Variants in RNASE10 observed in about 807,000 individuals in gnomAD.
The protein encoded by RNASE10 is inactive ribonuclease-like protein 10.
A neutral mutation model predicts 1.1 loss-of-function variants in RNASE10; 2 were observed. The ratio of observed to expected loss-of-function variants is 1.82; its 90% CI spans 0.74 to 5.73. The LOEUF (loss-of-function observed/expected upper bound fraction) is 5.73. Ranked by LOEUF, RNASE10 falls within the 30% of genes most tolerant of loss-of-function variation. RNASE10 has a pLI of 0.05. For missense variants in RNASE10, 276 were observed against 263.4 expected (o/e 1.05, Z -0.33); for synonymous variants, 97 against 96.2 (o/e 1.01, Z -0.05).
rs1309362527 is a variant in RNASE10, at chr14:20,506,720, G to A, written c.79+701G>A. ...CCCCGTCCGGGAGGGAGGTGGGGGG[G>A]TCAGCCCCCCGCCCGGCCAGCCGCC... On this transcript the variant is annotated intron_variant, in intron 1 of 1. Coordinates refer to ENST00000430083, the Ensembl canonical transcript of RNASE10. Among the ~76,000 whole-genome samples the A allele has an allele frequency of 2.7e-4, 31 of 114,314 alleles. 1 individual carries two copies. Among genetic ancestry groups the A allele is most frequent in the East Asian group, 2.3e-3 (8 of 3,552 alleles). The allele number at this position is 114,314 out of a possible 152,430, so 75.0% of individuals were successfully genotyped here.
downstream of RNASE10, among the ~76,000 whole-genome samples, chr14:20,513,209 T>C (rs12590552): frequency 0.18 from 26,831 of 149,734 alleles, 2,984 homozygotes; most frequent in East Asian, 0.6. Context: ...TTTTCTTTTG[T>C]TTTGTTTTGT....
downstream of RNASE10, among the ~76,000 whole-genome samples, chr14:20,512,077 G>A (rs967662566): frequency 2.0e-5 from 3 of 152,198 alleles, no homozygotes; most frequent in African/African-American, 4.8e-5. Context: ...GAGAAAGAGA[G>A]AGTGAGAAAT....
downstream of RNASE10, among the ~76,000 whole-genome samples, chr14:20,511,620 G>A (rs10083408): frequency 0.02 from 3,071 of 152,170 alleles, 107 homozygotes; most frequent in African/African-American, 0.071. Context: ...TTCCTTTTCC[G>A]AGCTTGGAAA....
chr14:20,506,628 C>T (rs1320485762), intron 1 of RNASE10, among the ~76,000 whole-genome samples: 3 of 102,418 alleles, frequency 2.9e-5, no homozygotes, highest in Admixed American at 1.8e-4. Context: ...GGGGGATCAG[C>T]CCCCCGCCTG....
At chr14:20,504,261 G>A (rs568333503), upstream of RNASE10, among the ~76,000 whole-genome samples, 59 of 152,302 alleles carry the variant, frequency 3.9e-4, no homozygotes, top group African/African-American at 1.4e-3. Flanking sequence ...TAGCAGCCAG[G>A]GCACTGCTCA....
chr14:20,513,590 T>A (rs1882947679), downstream of RNASE10, among the ~76,000 whole-genome samples: 3 of 152,234 alleles, frequency 2.0e-5, no homozygotes, highest in South Asian at 6.2e-4. Flanking sequence ...CATTTAGATA[T>A]GACACCTGAC....
At chr14:20,504,803 GTCCACAAAAC>G (rs1882649585), upstream of RNASE10, among the ~76,000 whole-genome samples, 1 of 150,314 alleles carries the variant, frequency 6.7e-6, no homozygotes, top group East Asian at 1.9e-4. Flanking sequence ...AGTAATGCAC[GTCCACAAAAC>G]TCTTCCAGAA....
chr14:20,509,997 T>C (rs1882853111), intron 1 of RNASE10, among the ~76,000 whole-genome samples: 1 of 151,054 alleles, frequency 6.6e-6, no homozygotes, highest in South Asian at 2.1e-4. Flanking sequence ...TGTGTGCCTG[T>C]GATCCCAGCT....
chr14:20,510,293 A>G, intron 1 of RNASE10, 174 bp from the exon 2 acceptor site: 1 of 469,246 alleles, frequency 2.1e-6, no homozygotes. Context: ...GTAGGGAGGA[A>G]CAAGAGAAAT....
chr14:20,507,422 C>A (rs915582047), intron 1 of RNASE10, among the ~76,000 whole-genome samples: 2 of 132,240 alleles, frequency 1.5e-5, no homozygotes, highest in Non-Finnish European at 3.2e-5. Context: ...GCAGCATGCT[C>A]GTTAAGAGTC....
In RNASE10 at chr14:20,508,626, T is replaced by C. The variant is rs183519248; in HGVS notation, c.80-1841T>C. Among the ~76,000 whole-genome samples the C allele has an allele frequency of 2.6e-5, 4 of 152,228 alleles. No homozygotes were observed. The East Asian group carries it at 7.7e-4, about 29-fold the overall frequency. Reference sequence around the variant, plus strand: ...ACGTCAAAAAGAACCCGTAAAGTGCTCCGTTTGAGTGAAAAGGTGAAAGTG... The same window carrying C: ...ACGTCAAAAAGAACCCGTAAAGTGCCCCGTTTGAGTGAAAAGGTGAAAGTG... On this transcript the variant is annotated intron_variant, in intron 1 of 1. Coordinates refer to ENST00000430083, the Ensembl canonical transcript of RNASE10.
chr14:20,512,501 A>G (rs914153883), downstream of RNASE10, among the ~76,000 whole-genome samples: 1 of 152,218 alleles, frequency 6.6e-6, no homozygotes, highest in Non-Finnish European at 1.5e-5. Context: ...AGGGACATAC[A>G]TAAATGGGAG....
chr14:20,511,455 G>A (rs986444275), downstream of RNASE10, among the ~76,000 whole-genome samples: 10 of 152,166 alleles, frequency 6.6e-5, no homozygotes, highest in Admixed American at 2.0e-4. Flanking sequence ...AGAGTTTAGT[G>A]TATCCTTTAC....
At chr14:20,511,089 T>C (rs769218351) in exon 2 of RNASE10, 2 of 1,501,858 alleles carry the variant, frequency 1.3e-6, no homozygotes, top group Non-Finnish European at 1.8e-6. Context: ...TAACCTGTAA[T>C]GACATGAAGC....
At chr14:20,507,587 G>C (rs1439247013) in intron 1 of RNASE10, among the ~76,000 whole-genome samples, 1 of 132,224 alleles carries the variant, frequency 7.6e-6, no homozygotes, top group African/African-American at 3.1e-5. Flanking sequence ...CCCCCTCTGC[G>C]AGAAACACCC....
chr14:20,508,044 C>T (rs563241627), intron 1 of RNASE10, among the ~76,000 whole-genome samples: 2 of 152,260 alleles, frequency 1.3e-5, no homozygotes, highest in East Asian at 3.9e-4. Context: ...GCCACTGCGC[C>T]CAGGCCCCCT....
upstream of RNASE10, among the ~76,000 whole-genome samples, chr14:20,504,501 C>T (rs202091577): frequency 6.6e-6 from 1 of 151,708 alleles, no homozygotes; most frequent in African/African-American, 2.4e-5. Context: ...TTCTGGCTAA[C>T]ACGGTGAAAC....
At chr14:20,506,431 G>C (rs1882720304) in intron 1 of RNASE10, among the ~76,000 whole-genome samples, 1 of 129,318 alleles carries the variant, frequency 7.7e-6, no homozygotes, top group African/African-American at 3.1e-5. Flanking sequence ...TCCCGTCCGG[G>C]AGGGGGGAGG....
chr14:20,510,591 G>T, exon 2 of RNASE10: 1 of 1,614,124 alleles, frequency 6.2e-7, no homozygotes, highest in Non-Finnish European at 8.5e-7. Context: ...GTGATCAACC[G>T]CTCAATGAAT....
Sources: gnomAD v4.1 joint callset for allele counts (sites outside exome capture counted in the v4.1 genomes callset) on GRCh38, gnomAD v4.1.1 for gene constraint, MANE v1.5 for transcripts, NCBI Gene and HGNC (gene_info 2026-07-23, HGNC 2026-07-21) for gene names.